The following TRIM72 variants were observed in gnomAD, a reference collection of about 807,000 sequenced individuals.
The protein encoded by TRIM72 is tripartite motif-containing protein 72.
TRIM72 carries 33 observed loss-of-function variants against 31.6 expected under a neutral mutation model. The ratio of observed to expected loss-of-function variants is 1.04; its 90% CI spans 0.79 to 1.40. The LOEUF (loss-of-function observed/expected upper bound fraction) is 1.40. TRIM72 is among the 40% of genes most tolerant of loss of function. The probability of loss-of-function intolerance (pLI) is 0.00; values close to 1 mark genes in which losing one functional copy is unlikely to be tolerated. For synonymous variants in TRIM72, 301 were observed against 314.4 expected (o/e 0.96, Z 0.45); for missense variants, 666 against 682.7 (o/e 0.98, Z 0.27).
intron 6 of TRIM72, 88 bp from the exon 7 acceptor site, chr16:31,224,092 AG>A: frequency 7.0e-7 from 1 of 1,432,720 alleles, no homozygotes; most frequent in South Asian, 1.3e-5. Flanking sequence ...CAAGAGGATT[AG>A]GGGAGAGAAA....
rs775969981 is a variant in TRIM72 at position 31,215,609 on chromosome 16, G to T, written c.390+481G>T. Among the ~76,000 whole-genome samples the T allele has an allele frequency of 6.6e-5, 10 of 151,994 alleles. No individual in the cohort carries two copies. The highest frequency in any genetic ancestry group is 2.1e-4 in the South Asian group (1 of 4,822). On this transcript the variant is annotated intron_variant, in intron 2 of 6. Coordinates refer to ENST00000322122, the MANE Select transcript of TRIM72 (RefSeq NM_001008274.4). This position sits in a 1 kb window ranked among gnomAD's most constrained non-coding sequence, Gnocchi z 6.3. ...GGCCGGGGCAGGGTTGTCCCCTTGT[G>T]CTCAGCGGAGGCCCACGCACCCCTG...
At chr16:31,218,751 C>A (rs2079520642) in intron 2 of TRIM72, among the ~76,000 whole-genome samples, 1 of 151,878 alleles carries the variant, frequency 6.6e-6, no homozygotes. Context: ...ACTTGGGAGA[C>A]TGAAGTGAGA....
rs2079562789 is a variant in TRIM72 at position 31,229,191 on chromosome 16, A to T, written c.*4436A>T. 2.0e-5 allele frequency: 3 copies of T among 146,956 alleles called. No homozygotes were observed. The East Asian group carries it at 6.5e-4, about 32-fold the overall frequency. 9.1% of individuals were successfully genotyped at this position (146,956 alleles called of 1,614,324 possible). A position where few individuals can be genotyped will look rare whatever the true frequency, so the allele number is the denominator to read the frequency against. On this transcript the variant is annotated 3_prime_UTR_variant, in exon 7 of 7. Transcript: ENST00000322122. ...ATGGGCAGAGATTTTAGGAGGGAAG[A>T]TGCCCATGTGAGGGAAGATGGGGAG...
chr16:31,225,017 T>G lies in TRIM72; in HGVS notation c.*262T>G, dbSNP rs1325325758. The stretch of plus-strand genomic sequence containing the variant: ...ACCAGCCTGGCCAACATGGTGAAAC[T>G]CCTCTCTACTGAAAATACAAAAATG... On this transcript the variant is annotated 3_prime_UTR_variant, in exon 7 of 7. Coordinates refer to ENST00000322122, the MANE Select transcript of TRIM72 (RefSeq NM_001008274.4). 3.1e-6 allele frequency: 1 copy of G among 318,810 alleles called. No homozygotes were observed. The highest frequency in any genetic ancestry group is 5.7e-6 in the Non-Finnish European group (1 of 174,898). The allele number at this position is 318,810 out of a possible 1,614,324, so 19.7% of individuals were successfully genotyped here.
Position 31,222,869 on chromosome 16 carries a change from G to T in TRIM72, c.783G>T (p.Leu261=). ...ILAESPPPAR[L]DIQLPIISDD... ...CAGAGTCTCCCCCACCCGCCCGTCT[G>T]GACATCCAGCTGCCAATTATCTCAG... The change falls in exon 6 of 7, where the codon CTG becomes CTT. Residue 261 remains leucine (L), a synonymous_variant. Transcript: ENST00000322122. 2 of 1,537,218 alleles carry T rather than the reference G, an allele frequency of 1.3e-6. No individual in the cohort carries two copies. Among genetic ancestry groups the T allele is most frequent in the Middle Eastern group, 1.7e-4 (1 of 5,848 alleles).
rs1056203547 is a variant in TRIM72, at chr16:31,229,044, C to T, written c.*4289C>T. ...CCAGCAGCTCCTCCACCATGTGTAG[C>T]CCACGGCATTGAATTGTCTACACAC... On this transcript the variant is annotated 3_prime_UTR_variant, in exon 7 of 7. Transcript: ENST00000322122. 1 of 152,340 alleles carries T rather than the reference C, an allele frequency of 6.6e-6. No homozygotes were observed. Among genetic ancestry groups the T allele is most frequent in the African/African-American group, 2.4e-5 (1 of 41,438 alleles). The allele number at this position is 152,340 out of a possible 1,614,324, so 9.4% of individuals were successfully genotyped here.
chr16:31,219,348 C>T lies in TRIM72; in HGVS notation c.546C>T (p.Phe182=), dbSNP rs760762806. The T allele has an allele frequency of 1.9e-6, 3 of 1,614,040 alleles. No individual in the cohort carries two copies. Among genetic ancestry groups the T allele is most frequent in the East Asian group, 4.5e-5 (2 of 44,902 alleles). ...VGEQLGKMRV[F]LAALEGSLDR... The stretch of plus-strand genomic sequence containing the variant: ...AGCAGCTGGGCAAGATGCGGGTGTT[C>T]CTGGCTGCACTGGAGGGCTCCTTGG... The change falls in exon 4 of 7, where the codon TTC becomes TTT. Residue 182 remains phenylalanine (F), a synonymous_variant. Transcript: ENST00000322122. The surrounding 1 kb of genome is among the most constrained non-coding windows in gnomAD (Gnocchi z 4.2).
At position 31,230,287 on chromosome 16, in the gene TRIM72, AG is replaced by A. The variant is rs2079565828; in HGVS notation, c.*5533del. On this transcript the variant is annotated 3_prime_UTR_variant, in exon 7 of 7. Transcript: ENST00000322122. The stretch of plus-strand genomic sequence containing the variant: ...CTGTGCAGCTGCAAGGTCACTAGGC[AG>A]ATAAACTCAAGTCATAAAACATGTT... The A allele has an allele frequency of 6.6e-6, 1 of 152,230 alleles. No homozygotes were observed. The highest frequency in any genetic ancestry group is 1.5e-5 in the Non-Finnish European group (1 of 68,044). 9.4% of individuals were successfully genotyped at this position (152,230 alleles called of 1,614,324 possible). A position where few individuals can be genotyped will look rare whatever the true frequency, so the allele number is the denominator to read the frequency against.
At chr16:31,222,988 T>G (rs746294779) in intron 6 of TRIM72, 43 bp downstream of exon 6, 1 of 1,505,204 alleles carries the variant, frequency 6.6e-7, no homozygotes, top group African/African-American at 1.4e-5. Flanking sequence ...GACCAGGCAG[T>G]TGATGGGAGG....
chr16:31,214,696 C>T, intron 1 of TRIM72, 36 bp from the exon 2 acceptor site: 1 of 1,490,688 alleles, frequency 6.7e-7, no homozygotes, highest in Non-Finnish European at 8.8e-7. Context: ...AGCGCGGCGC[C>T]GCGGGGTCCC....
At position 31,224,787 on chromosome 16, in the gene TRIM72, G is replaced by A. The variant is rs928444529; in HGVS notation, c.*32G>A. 16 of 1,427,200 alleles carry A rather than the reference G, an allele frequency of 1.1e-5. No homozygotes were observed. The highest frequency in any genetic ancestry group is 1.5e-5 in the Non-Finnish European group (16 of 1,095,454). 88.4% of individuals were successfully genotyped at this position (1,427,200 alleles called of 1,614,324 possible). A position where few individuals can be genotyped will look rare whatever the true frequency, so the allele number is the denominator to read the frequency against. ...GGACGGGTAGTGGAGGGGCGCGGGG[G>A]CCTGGGTTGAAGCTTAGGTCTCCTT... On this transcript the variant is annotated 3_prime_UTR_variant, in exon 7 of 7. Coordinates refer to ENST00000322122, the MANE Select transcript of TRIM72 (RefSeq NM_001008274.4).
At position 31,224,437 on chromosome 16, in the gene TRIM72, G is replaced by A; in HGVS notation, c.1116G>A (p.Leu372=). The change falls in exon 7 of 7, where the codon CTG becomes CTA. Residue 372 remains leucine (L), a synonymous_variant. Coordinates refer to ENST00000322122, the MANE Select transcript of TRIM72 (RefSeq NM_001008274.4). ...IAAEAPRRGR[L]HAVPSQGLWL... ...CCGAGGCCCCCCGCCGCGGGCGCCT[G>A]CACGCGGTGCCCTCGCAGGGCCTGT... 1 of 1,431,648 alleles carries A rather than the reference G, an allele frequency of 7.0e-7. No homozygotes were observed. The allele number at this position is 1,431,648 out of a possible 1,614,324, so 88.7% of individuals were successfully genotyped here. A position where few individuals can be genotyped will look rare whatever the true frequency, so the allele number is the denominator to read the frequency against.
intron 2 of TRIM72, among the ~76,000 whole-genome samples, chr16:31,217,739 C>G (rs554721506): frequency 6.6e-6 from 1 of 151,972 alleles, no homozygotes; most frequent in Non-Finnish European, 1.5e-5. Flanking sequence ...CTCAGCCTCC[C>G]GAGTAGCTGG....
chr16:31,214,611 C>G, intron 1 of TRIM72, 121 bp from the exon 2 acceptor site: 1 of 1,157,112 alleles, frequency 8.6e-7, no homozygotes, highest in Non-Finnish European at 1.1e-6. Flanking sequence ...GATGTGAGGT[C>G]TTTACAGGCT....
In TRIM72 at chr16:31,222,825, A is replaced by G; in HGVS notation, c.741-2A>G. The G allele has an allele frequency of 1.2e-5, 3 of 241,356 alleles. No homozygotes were observed. Among genetic ancestry groups the G allele is most frequent in the East Asian group, 1.2e-4 (1 of 8,596 alleles). The allele number at this position is 241,356 out of a possible 1,614,324, so 15.0% of individuals were successfully genotyped here. Reference sequence around the variant, plus strand: ...GCCTCCCCTTCCCCTCCCCACCCCCAGGCTGCAGAAGATCCTGGCAGAGTC... The same window carrying G: ...GCCTCCCCTTCCCCTCCCCACCCCCGGGCTGCAGAAGATCCTGGCAGAGTC... On this transcript the variant is annotated splice_acceptor_variant, in intron 5 of 6. Transcript: ENST00000322122. LOFTEE classifies it high-confidence loss of function.
In TRIM72 at chr16:31,224,826, G is replaced by C; in HGVS notation, c.*71G>C. 1 of 1,379,362 alleles carries C rather than the reference G, an allele frequency of 7.2e-7. No individual in the cohort carries two copies. The highest frequency in any genetic ancestry group is 1.6e-5 in the South Asian group (1 of 62,538). The allele number at this position is 1,379,362 out of a possible 1,614,324, so 85.4% of individuals were successfully genotyped here. A position where few individuals can be genotyped will look rare whatever the true frequency, so the allele number is the denominator to read the frequency against. ...TTAGGTCTCCTTGGTCGGGTCTGAC[G>C]GGAGAAGGGTGGGGAGCGGGTTGCC... On this transcript the variant is annotated 3_prime_UTR_variant, in exon 7 of 7. Coordinates refer to ENST00000322122, the MANE Select transcript of TRIM72 (RefSeq NM_001008274.4).
chr16:31,218,759 A>G (rs2079520663), intron 2 of TRIM72, among the ~76,000 whole-genome samples: 2 of 151,984 alleles, frequency 1.3e-5, no homozygotes, highest in Admixed American at 1.3e-4. Context: ...GACTGAAGTG[A>G]GAGGGTCAAT....
intron 2 of TRIM72, among the ~76,000 whole-genome samples, chr16:31,218,571 A>G (rs1003471655): frequency 6.6e-6 from 1 of 151,974 alleles, no homozygotes; most frequent in Non-Finnish European, 1.5e-5. Context: ...AGTCCCAGCT[A>G]CTTGGGAGGC....
chr16:31,219,098 C>T lies in TRIM72; in HGVS notation c.394C>T (p.Gln132Ter), dbSNP rs1243621524. 8 of 1,569,226 alleles carry T rather than the reference C, an allele frequency of 5.1e-6. No individual in the cohort carries two copies. The highest frequency in any genetic ancestry group is 1.3e-5 in the African/African-American group (1 of 74,122). ...AAEAHARLKT[Q>*]LPQQKLQLQE... ...TTCTCCATGCCTCGACCCCCAGACA[C>T]AGCTGCCACAGCAGAAACTGCAGCT... The change falls in exon 3 of 7, where the codon CAG becomes TAG. Residue 132 changes from glutamine (Q) to a stop codon, truncating the protein, a stop_gained. Transcript: ENST00000322122. LOFTEE classifies it high-confidence loss of function. The surrounding 1 kb of genome is among the most constrained non-coding windows in gnomAD (Gnocchi z 4.2).
Sources: gnomAD v4.1 joint callset for allele counts (sites outside exome capture counted in the v4.1 genomes callset) on GRCh38, gnomAD v4.1.1 for gene constraint, Gnocchi (gnomAD v3.1) non-coding constraint, MANE v1.5 for transcripts, NCBI Gene and HGNC (gene_info 2026-07-23, HGNC 2026-07-21) for gene names.